The following GP6 variants were observed in gnomAD, a reference collection of about 807,000 sequenced individuals.
The protein encoded by GP6 is platelet glycoprotein VI.
A neutral mutation model predicts 37.3 loss-of-function variants in GP6; 45 were observed. The ratio of observed to expected loss-of-function variants is 1.21; its 90% CI spans 0.95 to 1.55. GP6 has a LOEUF of 1.55. Ranked by LOEUF, GP6 falls within the 40% of genes most tolerant of loss-of-function variation. The pLI, the probability that GP6 is intolerant of heterozygous loss-of-function variation, is 0.00. For synonymous variants in GP6, 340 were observed against 316.4 expected (o/e 1.07, Z -0.79); for missense variants, 813 against 760.2 (o/e 1.07, Z -0.82).
intron 4 of GP6, among the ~76,000 whole-genome samples, chr19:55,026,626 C>T (rs573148175): frequency 2.0e-5 from 3 of 152,280 alleles, no homozygotes; most frequent in South Asian, 4.1e-4. Context: ...CGCGGTGGCT[C>T]ACGCCTGTAA....
At chr19:55,021,520 GTT>G (rs1555797168) in intron 5 of GP6, among the ~76,000 whole-genome samples, 4 of 126,244 alleles carry the variant, frequency 3.2e-5, no homozygotes, top group Non-Finnish European at 3.2e-5. Context: ...ACTTTTGTTG[GTT>G]TTTTTTTTTT....
intron 1 of GP6, among the ~76,000 whole-genome samples, chr19:55,037,873 T>G (rs559399798): frequency 6.6e-6 from 1 of 152,144 alleles, no homozygotes; most frequent in East Asian, 1.9e-4. Context: ...TCCACCCACC[T>G]CGGCCTCCCA....
At position 55,013,969 on chromosome 19, in the gene GP6, G is replaced by A. The variant is rs10417943; in HGVS notation, c.*113C>T. On this transcript the variant is annotated 3_prime_UTR_variant, in exon 8 of 8. Transcript: ENST00000310373. ...TTTCCTTCAGAAAGTAAATATGAGA[G>A]GGGTGGAGACGGTGCATTATCTTAT... is the stretch of plus-strand genomic sequence containing the variant. 21,404 of 427,944 alleles carry A rather than the reference G, an allele frequency of 0.05. 1,091 individuals are homozygous for A. Among genetic ancestry groups the A allele is most frequent in the East Asian group, 0.15 (2,229 of 14,624 alleles). The allele number at this position is 427,944 out of a possible 1,614,324, so 26.5% of individuals were successfully genotyped here. A position where few individuals can be genotyped will look rare whatever the true frequency, so the allele number is the denominator to read the frequency against.
chr19:55,016,793 T>A (rs1040648432), intron 6 of GP6, among the ~76,000 whole-genome samples: 1 of 150,986 alleles, frequency 6.6e-6, no homozygotes, highest in Non-Finnish European at 1.5e-5. Flanking sequence ...ACTGGCTGAA[T>A]GCCTGTAATC....
intron 3 of GP6, among the ~76,000 whole-genome samples, chr19:55,030,939 C>T (rs916057113): frequency 4.6e-5 from 7 of 152,146 alleles, no homozygotes; most frequent in Non-Finnish European, 1.0e-4. Flanking sequence ...GCCTCGGCCT[C>T]CCTGGCTCAA....
intron 4 of GP6, among the ~76,000 whole-genome samples, chr19:55,025,622 C>T (rs1001013215): frequency 2.6e-5 from 4 of 152,070 alleles, no homozygotes; most frequent in Non-Finnish European, 4.4e-5. Context: ...AGGAGAATCA[C>T]TTGAACCTAG....
chr19:55,015,118 G>C lies in GP6; in HGVS notation c.827C>G (p.Pro276Arg), dbSNP rs1187798311. The change falls in exon 8 of 8, where the codon CCT becomes CGT. Residue 276 changes from proline to arginine, a missense_variant. Transcript: ENST00000310373. ...AGGATTATTAGGATCACAGCCCCGA[G>C]GCATATCCGGACCAGGTTGCCCTTG... 9 of 1,582,500 alleles carry C rather than the reference G, an allele frequency of 5.7e-6. No individual in the cohort carries two copies. The highest frequency in any genetic ancestry group is 2.7e-5 in the African/African-American group (2 of 74,368).
chr19:55,032,610 A>G (rs1731607582), intron 1 of GP6, 72 bp from the exon 2 acceptor site: 4 of 1,498,882 alleles, frequency 2.7e-6, no homozygotes, highest in Admixed American at 1.8e-5. Context: ...GGGCGCGGTG[A>G]TAAGACATTT....
chr19:55,015,119 G>T lies in GP6; in HGVS notation c.826C>A (p.Pro276Thr). The T allele has an allele frequency of 6.3e-7, 1 of 1,582,422 alleles. No homozygotes were observed. Among genetic ancestry groups the T allele is most frequent in the Non-Finnish European group, 8.6e-7 (1 of 1,164,086 alleles). The change falls in exon 8 of 8, where the codon CCT becomes ACT. Residue 276 changes from proline to threonine, a missense_variant. Transcript: ENST00000310373. The stretch of plus-strand genomic sequence containing the variant: ...GGATTATTAGGATCACAGCCCCGAG[G>T]CATATCCGGACCAGGTTGCCCTTGG...
At chr19:55,024,285 CACAT>C (rs79173774) in intron 5 of GP6, among the ~76,000 whole-genome samples, 328 of 14,784 alleles carry the variant, frequency 0.022, 17 homozygotes, top group East Asian at 0.062. Flanking sequence ...TGCACACACA[CACAT>C]ATGCACGCAT....
At chr19:55,031,969 T>G (rs1183794784) in intron 3 of GP6, among the ~76,000 whole-genome samples, 170 bp downstream of exon 3, 1 of 152,164 alleles carries the variant, frequency 6.6e-6, no homozygotes, top group Admixed American at 6.6e-5. Flanking sequence ...CAAGACCCTG[T>G]GTCCAAAAAA....
intron 3 of GP6, among the ~76,000 whole-genome samples, chr19:55,029,372 ATATTTTTTTTTTTTTTTTTTTTTTTTT>A (rs2074470716): frequency 3.5e-4 from 1 of 2,840 alleles, no homozygotes; most frequent in African/African-American, 1.2e-3. Flanking sequence ...ATATATATAT[ATATTTTTTTTTTTTTTTTTTTTTTTTT>A]TTTTTTTGGG....
chr19:55,034,102 G>A (rs12461020), intron 1 of GP6, among the ~76,000 whole-genome samples: 7 of 149,950 alleles, frequency 4.7e-5, no homozygotes, highest in African/African-American at 9.8e-5. Flanking sequence ...ACATATACAC[G>A]TGTGTACATA....
At position 55,035,682 on chromosome 19, in the gene GP6, G is replaced by T. The variant is rs111687779; in HGVS notation, c.34+2521C>A. On this transcript the variant is annotated intron_variant, in intron 1 of 7. Transcript: ENST00000310373. ...CAGTGAGCCAACGTCATGCCACTGC[G>T]CTCCAGTCTGGGCAACAGAGTGAGA... Among the ~76,000 whole-genome samples the T allele has an allele frequency of 3.3e-5, 5 of 150,302 alleles. No homozygotes were observed. In the East Asian group the frequency reaches 1.0e-3, roughly 30 times the overall value.
rs1394760885 is a variant in GP6, at chr19:55,014,971, C to A, written c.974G>T (p.Gly325Val). 1.2e-6 allele frequency: 2 copies of A among 1,613,644 alleles called. No homozygotes were observed. The highest frequency in any genetic ancestry group is 1.6e-4 in the Middle Eastern group (1 of 6,062). ...ACATCCTGTCGGCCTCCATCCTGAC[C>A]CCCGTTTGATTTCCGGGTCAGCGGG... Residue 325 changes from glycine to valine, a missense_variant, in exon 8 of 8, where the codon GGG becomes GTG. Physicochemically the swap from Gly to Val is moderately radical, Grantham distance 109. Coordinates refer to ENST00000310373, the MANE Select transcript of GP6 (RefSeq NM_001083899.2).
At chr19:55,020,791 A>T (rs1395075514) in intron 5 of GP6, among the ~76,000 whole-genome samples, 2 of 152,018 alleles carry the variant, frequency 1.3e-5, no homozygotes, top group Non-Finnish European at 2.9e-5. Flanking sequence ...TGGCTCACAC[A>T]TGTAATCCCA....
At chr19:55,018,843 G>A in intron 5 of GP6, 132 bp from the exon 6 acceptor site, 1 of 738,316 alleles carries the variant, frequency 1.4e-6, no homozygotes, top group Non-Finnish European at 2.5e-6. Context: ...ACTGAAGACA[G>A]ACAAATTCGA....
At chr19:55,034,514 C>G (rs938645587) in intron 1 of GP6, among the ~76,000 whole-genome samples, 1 of 151,618 alleles carries the variant, frequency 6.6e-6, no homozygotes, top group Non-Finnish European at 1.5e-5. Context: ...CAAGATCACG[C>G]CACTACACTC....
At chr19:55,030,349 C>CTTCTCT (rs1555802790) in intron 3 of GP6, among the ~76,000 whole-genome samples, 2 of 119,334 alleles carry the variant, frequency 1.7e-5, no homozygotes, top group African/African-American at 6.3e-5. Context: ...GACCTCTTCT[C>CTTCTCT]TTTTTTTTTT....
Sources: allele counts gnomAD v4.1 joint callset (sites outside exome capture counted in the v4.1 genomes callset), GRCh38; gene constraint gnomAD v4.1.1; transcripts MANE v1.5; gene names NCBI Gene and HGNC (gene_info 2026-07-23, HGNC 2026-07-21).